Variants in SYCP2 observed in about 807,000 individuals in gnomAD.
SYCP2 encodes the protein synaptonemal complex protein 2.
Under a neutral mutation model 211.3 loss-of-function variants are expected in SYCP2, and 55 were observed. That is an observed-to-expected ratio of 0.26 (90% CI 0.21 to 0.33). SYCP2 has a LOEUF of 0.33. SYCP2 is among the 10% of genes least tolerant of loss of function. SYCP2 has a pLI of 1.00. For synonymous variants in SYCP2, 570 were observed against 555.2 expected, an observed-to-expected ratio of 1.03 and a Z score of -0.37; for missense variants, 1,731 against 1,752.0, an observed-to-expected ratio of 0.99 and a Z score of 0.21.
intron 20 of SYCP2, among the ~76,000 whole-genome samples, chr20:59,894,508 G>A (rs1398276983): frequency 1.3e-5 from 2 of 151,702 alleles, no homozygotes; most frequent in African/African-American, 4.8e-5. Context: ...TAAAAAAATA[G>A]AATCCATCAT....
At chr20:59,895,242 A>G (rs934842256) in intron 20 of SYCP2, among the ~76,000 whole-genome samples, 195 bp downstream of exon 20, 1 of 152,098 alleles carries the variant, frequency 6.6e-6, no homozygotes, top group African/African-American at 2.4e-5. Context: ...AATATTCATA[A>G]CTTTTATTGT....
intron 10 of SYCP2, 119 bp from the exon 11 acceptor site, chr20:59,914,370 A>T: frequency 2.1e-6 from 1 of 486,204 alleles, no homozygotes; most frequent in Non-Finnish European, 3.5e-6. Context: ...AATGTAATTG[A>T]TTAATCTATT....
At chr20:59,904,212 G>A (rs901032589) in intron 15 of SYCP2, among the ~76,000 whole-genome samples, 2 of 152,152 alleles carry the variant, frequency 1.3e-5, no homozygotes, top group South Asian at 2.1e-4. Flanking sequence ...ATAGTCTCAT[G>A]GGCTTGGAAT....
Position 59,892,132 on chromosome 20 carries a change from T to C in SYCP2, c.2222A>G (p.Lys741Arg). 6.2e-7 allele frequency: 1 copy of C among 1,612,242 alleles called. No individual in the cohort carries two copies. Reference protein sequence around the residue: ...KTIEESLIYRKKYILSKDVNT... With the variant: ...KTIEESLIYRRKYILSKDVNT... ...CACATCTTTTGACAATATGTATTTCTTCCTATATATCAGCGATTCTTCAAT... is the reference window on the plus strand; with the variant it reads ...CACATCTTTTGACAATATGTATTTCCTCCTATATATCAGCGATTCTTCAAT... The change falls in exon 24 of 45, where the codon AAG becomes AGG. Residue 741 changes from lysine (K) to arginine (R), a missense_variant. Physicochemically the swap from Lys to Arg is conservative, Grantham distance 26 (BLOSUM62 2). Around this residue, in one of 3 missense-constraint regions of SYCP2, gnomAD observed 1,387 missense variants for 1,351.3 expected, o/e 1.03. Transcript: ENST00000357552.
At chr20:59,889,716 C>T (rs995010884) in intron 24 of SYCP2, among the ~76,000 whole-genome samples, 2 of 151,934 alleles carry the variant, frequency 1.3e-5, no homozygotes, top group Non-Finnish European at 2.9e-5. Flanking sequence ...GAACCTTCTC[C>T]AAAATACTGT....
intron 15 of SYCP2, among the ~76,000 whole-genome samples, chr20:59,903,380 A>T (rs142088150): frequency 5.4e-4 from 82 of 152,262 alleles, no homozygotes; most frequent in African/African-American, 1.9e-3. Flanking sequence ...ATTCTCTCAA[A>T]ATTAGCTATG....
Position 59,896,459 on chromosome 20 carries a change from T to C in SYCP2, c.1474A>G (p.Met492Val), listed in dbSNP as rs2060009426. ...MIVSGADRYT[M>V]RSPVLFSNTS... Reference sequence around the variant, plus strand: ...TTGCTGAAAAGCACTGGACTTCTCATAGTGTATCTATCTGCACCAGAAACA... The same window carrying C: ...TTGCTGAAAAGCACTGGACTTCTCACAGTGTATCTATCTGCACCAGAAACA... Residue 492 changes from methionine to valine, a missense_variant, in exon 19 of 45, where the codon ATG (methionine) becomes GTG (valine). By Grantham distance (21) the Met-to-Val change is conservative. Transcript: ENST00000357552. The C allele has an allele frequency of 6.2e-7, 1 of 1,605,170 alleles. No individual in the cohort carries two copies. Among genetic ancestry groups the C allele is most frequent in the Non-Finnish European group, 8.5e-7 (1 of 1,173,580 alleles).
chr20:59,876,679 C>A (rs1205869170), intron 33 of SYCP2, among the ~76,000 whole-genome samples: 3 of 151,856 alleles, frequency 2.0e-5, no homozygotes, highest in African/African-American at 7.3e-5. Flanking sequence ...TACTAATTAC[C>A]TATAGTACTT....
In SYCP2 at chr20:59,876,447, A is replaced by G. The variant is rs184916001; in HGVS notation, c.3150+938T>C. Among the ~76,000 whole-genome samples, 6 of 145,130 alleles carry G rather than the reference A, an allele frequency of 4.1e-5. No homozygotes were observed. The East Asian group carries it at 1.3e-3, about 32-fold the overall frequency. On this transcript the variant is annotated intron_variant, in intron 33 of 44. Coordinates refer to ENST00000357552, the MANE Select transcript of SYCP2 (RefSeq NM_014258.4). ...TAGAAAATGTAGACCTAAGTTAGGA[A>G]GTCTTTAAAGCATTTTGGGTAAGAG...
At chr20:59,887,150 C>T (rs545292150) in intron 24 of SYCP2, among the ~76,000 whole-genome samples, 9 of 152,118 alleles carry the variant, frequency 5.9e-5, no homozygotes, top group African/African-American at 2.2e-4. Context: ...ATCCCTCCCC[C>T]CTTCCCCTAC....
intron 14 of SYCP2, among the ~76,000 whole-genome samples, chr20:59,910,127 T>C (rs2060287926): frequency 6.6e-6 from 1 of 152,146 alleles, no homozygotes; most frequent in East Asian, 1.9e-4. Flanking sequence ...TTGTATGCCA[T>C]GTCAGAGAGA....
At chr20:59,912,282 T>C in intron 13 of SYCP2, 91 bp downstream of exon 13, 1 of 586,844 alleles carries the variant, frequency 1.7e-6, no homozygotes, top group Non-Finnish European at 3.0e-6. Flanking sequence ...TACAACTATT[T>C]TTAGTGTTCT....
chr20:59,882,063 A>AGCAAAT, intron 27 of SYCP2, 32 bp downstream of exon 27: 1 of 1,608,512 alleles, frequency 6.2e-7, no homozygotes, highest in Non-Finnish European at 8.5e-7. Context: ...TCAAATATGA[A>AGCAAAT]GAAAATGAAA....
Position 59,913,994 on chromosome 20 carries a change from T to C in SYCP2, c.811A>G (p.Met271Val). 4 of 1,600,456 alleles carry C rather than the reference T, an allele frequency of 2.5e-6. No individual in the cohort carries two copies. The highest frequency in any genetic ancestry group is 3.4e-6 in the Non-Finnish European group (4 of 1,174,352). ...CRIFLNLVNG[M>V]LGDKRRVFTF... ...GTTTACCTTCTTTTGTCTCCAAGCA[T>C]GCCATTTACAAGGTTGAGAAATATC... is the stretch of plus-strand genomic sequence containing the variant. Residue 271 changes from methionine (M) to valine (V), a missense_variant, in exon 12 of 45, where the codon ATG (methionine) becomes GTG (valine). Met to Val is a conservative substitution (Grantham distance 21, BLOSUM62 1). This residue lies in a region of SYCP2 where 335 missense variants were observed against 378.8 expected (regional missense o/e 0.88). Transcript: ENST00000357552.
intron 18 of SYCP2, 125 bp from the exon 19 acceptor site, chr20:59,896,653 AC>A: frequency 1.8e-6 from 1 of 565,948 alleles, no homozygotes; most frequent in Non-Finnish European, 3.1e-6. Flanking sequence ...AATAAACAAC[AC>A]AATATTCATA....
chr20:59,877,860 G>GA, intron 32 of SYCP2, 148 bp downstream of exon 32: 1 of 656,242 alleles, frequency 1.5e-6, no homozygotes, highest in Non-Finnish European at 2.5e-6. Context: ...GATTTAAAAA[G>GA]AAACAGGAGA....
At chr20:59,885,075 A>C (rs374057959) in intron 26 of SYCP2, 1 of 152,178 alleles carries the variant, frequency 6.6e-6, no homozygotes. Context: ...AAGGGAGAAG[A>C]AAAAGAGAAT....
Position 59,868,541 on chromosome 20 carries a change from C to A in SYCP2, c.3860G>T (p.Arg1287Ile), listed in dbSNP as rs756454959. Residue 1287 changes from arginine to isoleucine, a missense_variant, in exon 38 of 45, where the codon AGA (arginine) becomes ATA (isoleucine). Physicochemically the swap from Arg to Ile is moderately conservative, Grantham distance 97 (BLOSUM62 -3). This residue lies in a region of SYCP2 where 1,387 missense variants were observed against 1,351.3 expected (regional missense o/e 1.03). Coordinates refer to ENST00000357552, the MANE Select transcript of SYCP2 (RefSeq NM_014258.4). ...SGPTQHLSRKRIYIEDNLSNS... is the reference protein window; with the variant it reads ...SGPTQHLSRKIIYIEDNLSNS... ...ACTTAGATTATCTTCTATATATATTCTTTTGCGACTAAGATGTTGGGTGGG... is the reference window on the plus strand; with the variant it reads ...ACTTAGATTATCTTCTATATATATTATTTTGCGACTAAGATGTTGGGTGGG... 4.4e-6 allele frequency: 7 copies of A among 1,605,216 alleles called. No individual in the cohort carries two copies. Among genetic ancestry groups the A allele is most frequent in the Non-Finnish European group, 5.9e-6 (7 of 1,177,118 alleles).
intron 7 of SYCP2, among the ~76,000 whole-genome samples, chr20:59,916,905 A>T (rs2060453727): frequency 6.6e-6 from 1 of 152,188 alleles, no homozygotes; most frequent in African/African-American, 2.4e-5. Context: ...GGTGAGAGTG[A>T]GACCCTGTCT....
Sources: gnomAD v4.1 joint callset for allele counts (sites outside exome capture counted in the v4.1 genomes callset) on GRCh38, gnomAD v4.1.1 for gene constraint, gnomAD v4.1.1 regional missense constraint, MANE v1.5 for transcripts, NCBI Gene and HGNC (gene_info 2026-07-23, HGNC 2026-07-21) for gene names.